Variants in PRKN observed in about 807,000 individuals in gnomAD.
PRKN encodes the protein parkin RBR E3 ubiquitin protein ligase.
In PRKN, 56 loss-of-function variants were observed where a neutral mutation model predicts 59.5. The observed-to-expected ratio is 0.94, with a 90% confidence interval of 0.76 to 1.18. The LOEUF (loss-of-function observed/expected upper bound fraction) is 1.18, where lower values mean the gene tolerates loss of function less well. Among genes scored for constraint, PRKN ranks in the 50% most tolerant of loss-of-function variants. The pLI, the probability that PRKN is intolerant of heterozygous loss-of-function variation, is 0.00. For missense variants in PRKN, 657 were observed against 596.4 expected (o/e 1.10, Z -1.06); for synonymous variants, 250 against 222.1 (o/e 1.13, Z -1.12).
intron 1 of PRKN, among the ~76,000 whole-genome samples, chr6:162,502,664 T>C (rs1001263335): frequency 1.3e-5 from 2 of 152,122 alleles, no homozygotes; most frequent in African/African-American, 4.8e-5. Flanking sequence ...TCACATAAAA[T>C]GAAAAACTGA....
intron 2 of PRKN, among the ~76,000 whole-genome samples, chr6:162,368,766 T>A (rs1052596982): frequency 4.6e-5 from 7 of 152,156 alleles, no homozygotes; most frequent in African/African-American, 7.2e-5. Flanking sequence ...CTCTTCAACG[T>A]CCTTCAAATA....
chr6:161,810,284 C>T (rs148050865), intron 6 of PRKN, among the ~76,000 whole-genome samples: 1 of 152,300 alleles, frequency 6.6e-6, no homozygotes. Context: ...AGAAACCAAC[C>T]TTTTCAACAC....
intron 4 of PRKN, among the ~76,000 whole-genome samples, chr6:162,064,038 A>G (rs1055772591): frequency 7.9e-5 from 12 of 152,216 alleles, no homozygotes; most frequent in African/African-American, 2.7e-4. Flanking sequence ...GACAGTGACT[A>G]GAATAAACCA....
At chr6:162,431,730 G>C (rs1318250218) in intron 2 of PRKN, among the ~76,000 whole-genome samples, 2 of 152,090 alleles carry the variant, frequency 1.3e-5, no homozygotes, top group African/African-American at 2.4e-5. Flanking sequence ...TTGAATAAGA[G>C]ATGGTCCACT....
At chr6:162,584,198 G>A (rs1780905656) in intron 1 of PRKN, among the ~76,000 whole-genome samples, 1 of 140,074 alleles carries the variant, frequency 7.1e-6, no homozygotes, top group Non-Finnish European at 1.5e-5. Flanking sequence ...GGGCGACAGA[G>A]TGAGACTCCG....
At chr6:162,216,623 T>G (rs767363756) in intron 3 of PRKN, among the ~76,000 whole-genome samples, 66 of 143,884 alleles carry the variant, frequency 4.6e-4, no homozygotes, top group Non-Finnish European at 9.0e-4. Flanking sequence ...GTCCAAACCA[T>G]CTGGCGGCAG....
At chr6:162,081,652 T>C (rs1779067050) in intron 4 of PRKN, among the ~76,000 whole-genome samples, 1 of 152,114 alleles carries the variant, frequency 6.6e-6, no homozygotes, top group South Asian at 2.1e-4. Flanking sequence ...TTAAGGGACC[T>C]AGGATTTTCA....
intron 3 of PRKN, among the ~76,000 whole-genome samples, chr6:162,209,090 T>A (rs1785082560): frequency 6.6e-6 from 1 of 151,992 alleles, no homozygotes; most frequent in Non-Finnish European, 1.5e-5. Context: ...AAGCCAAAAT[T>A]GACAAATGGG....
At chr6:161,985,412 A>G (rs1781399585) in intron 5 of PRKN, among the ~76,000 whole-genome samples, 1 of 152,162 alleles carries the variant, frequency 6.6e-6, no homozygotes, top group Non-Finnish European at 1.5e-5. Flanking sequence ...GTAATCTCCC[A>G]CCACCGAGTG....
intron 6 of PRKN, among the ~76,000 whole-genome samples, chr6:161,821,186 C>T (rs1032284001): frequency 6.6e-6 from 1 of 151,944 alleles, no homozygotes; most frequent in Non-Finnish European, 1.5e-5. Context: ...CCAAAAACCC[C>T]CAAACATACT....
At chr6:161,380,324 C>T (rs1785912329) in intron 10 of PRKN, among the ~76,000 whole-genome samples, 1 of 152,132 alleles carries the variant, frequency 6.6e-6, no homozygotes. Flanking sequence ...TCTCTCGTGC[C>T]TCTTAGCATA....
At chr6:162,507,072 A>G (rs965152353) in intron 1 of PRKN, among the ~76,000 whole-genome samples, 2 of 152,230 alleles carry the variant, frequency 1.3e-5, no homozygotes, top group African/African-American at 2.4e-5. Flanking sequence ...AAGCACTCCA[A>G]TATTTGCATT....
chr6:161,718,018 G>A (rs1353823686), intron 7 of PRKN, among the ~76,000 whole-genome samples: 1 of 152,150 alleles, frequency 6.6e-6, no homozygotes, highest in Admixed American at 6.5e-5. Context: ...GAAACACATC[G>A]ACCAGAGCTA....
intron 7 of PRKN, among the ~76,000 whole-genome samples, chr6:161,637,527 T>C (rs12198452): frequency 0.28 from 42,812 of 152,078 alleles, 6,619 homozygotes; most frequent in Middle Eastern, 0.43. Flanking sequence ...AAAGCCCAGC[T>C]TACTGCTCCC....
intron 6 of PRKN, among the ~76,000 whole-genome samples, chr6:161,902,415 C>T (rs551860684): frequency 3.3e-5 from 5 of 151,984 alleles, no homozygotes; most frequent in African/African-American, 2.4e-5. Flanking sequence ...TGGGTTAAGA[C>T]GGTCTAAATA....
At chr6:162,282,009 A>G (rs1011432478) in intron 2 of PRKN, among the ~76,000 whole-genome samples, 2 of 152,086 alleles carry the variant, frequency 1.3e-5, no homozygotes, top group South Asian at 2.1e-4. Context: ...TTGCACTCCT[A>G]TGAGAATCTA....
intron 1 of PRKN, among the ~76,000 whole-genome samples, chr6:162,702,858 G>C (rs183820102): frequency 3.3e-5 from 5 of 152,280 alleles, no homozygotes; most frequent in Non-Finnish European, 7.4e-5. Context: ...CTCTCCTAAT[G>C]AATCAGTGTC....
At chr6:162,141,938 C>T (rs556475294) in intron 4 of PRKN, among the ~76,000 whole-genome samples, 42 of 152,272 alleles carry the variant, frequency 2.8e-4, no homozygotes, top group African/African-American at 9.4e-4. Flanking sequence ...AAGATGATCA[C>T]CAAAACCTTT....
At chr6:162,199,868 C>T (rs1007048460) in intron 4 of PRKN, among the ~76,000 whole-genome samples, 1 of 152,072 alleles carries the variant, frequency 6.6e-6, no homozygotes, top group South Asian at 2.1e-4. Context: ...TCACAGGCCC[C>T]GTAACACCCA....
Sources: allele counts gnomAD v4.1 joint callset (sites outside exome capture counted in the v4.1 genomes callset), GRCh38; gene constraint gnomAD v4.1.1; transcripts MANE v1.5; gene names NCBI Gene and HGNC (gene_info 2026-07-23, HGNC 2026-07-21).